The following PTPRD variants were observed in gnomAD, a reference collection of about 807,000 sequenced individuals.
PTPRD encodes the protein protein tyrosine phosphatase receptor type D.
A neutral mutation model predicts 214.5 loss-of-function variants in PTPRD; 34 were observed. That is an observed-to-expected ratio of 0.16 (90% CI 0.12 to 0.21). The LOEUF is 0.21. Ranked by LOEUF, PTPRD falls within the 10% of genes least tolerant of loss-of-function variation. The probability of loss-of-function intolerance (pLI) is 1.00; values close to 1 mark genes in which losing one functional copy is unlikely to be tolerated. For synonymous variants in PTPRD, 1,128 were observed against 845.7 expected (o/e 1.33, Z -5.79); for missense variants, 2,545 against 2,398.7 (o/e 1.06, Z -1.27).
At chr9:9,176,677 G>C (rs1052978696) in intron 10 of PTPRD, among the ~76,000 whole-genome samples, 1 of 152,046 alleles carries the variant, frequency 6.6e-6, no homozygotes, top group African/African-American at 2.4e-5. Flanking sequence ...ATTATCATGG[G>C]CATGGGTTCC....
intron 11 of PTPRD, among the ~76,000 whole-genome samples, chr9:8,842,216 A>C (rs1324743592): frequency 2.0e-5 from 3 of 152,192 alleles, no homozygotes; most frequent in African/African-American, 7.2e-5. Flanking sequence ...TGAAAGAAAA[A>C]GAGAAAGGCA....
chr9:10,533,468 T>A (rs1455121851), intron 2 of PTPRD, among the ~76,000 whole-genome samples: 1 of 152,120 alleles, frequency 6.6e-6, no homozygotes, highest in Non-Finnish European at 1.5e-5. Context: ...GTATATACAC[T>A]CAGCTGTCTC....
intron 10 of PTPRD, among the ~76,000 whole-genome samples, chr9:9,130,667 A>T (rs1157629986): frequency 6.6e-6 from 1 of 152,180 alleles, no homozygotes; most frequent in Non-Finnish European, 1.5e-5. Flanking sequence ...CTACATATGT[A>T]TGTAATATTA....
At chr9:8,583,896 A>C (rs1338908365) in intron 14 of PTPRD, among the ~76,000 whole-genome samples, 3 of 152,212 alleles carry the variant, frequency 2.0e-5, no homozygotes, top group Non-Finnish European at 4.4e-5. Context: ...TCATGCCTGT[A>C]ATCTCAGCAT....
At chr9:9,892,704 G>C (rs1013569078) in intron 5 of PTPRD, among the ~76,000 whole-genome samples, 5 of 151,164 alleles carry the variant, frequency 3.3e-5, no homozygotes, top group Admixed American at 2.0e-4. Flanking sequence ...GTGACCAAGA[G>C]AGAAGGTACA....
chr9:9,597,115 G>C (rs2093411844), intron 7 of PTPRD, among the ~76,000 whole-genome samples: 1 of 151,942 alleles, frequency 6.6e-6, no homozygotes, highest in Non-Finnish European at 1.5e-5. Flanking sequence ...GACAGAATAG[G>C]CCTTAAACAT....
chr9:9,095,123 T>TA (rs1356139756), intron 10 of PTPRD, among the ~76,000 whole-genome samples: 13 of 152,036 alleles, frequency 8.6e-5, no homozygotes, highest in Non-Finnish European at 1.8e-4. Flanking sequence ...TAATTATATA[T>TA]ATTAAAAAAA....
chr9:8,427,543 C>G (rs144014922), intron 35 of PTPRD, among the ~76,000 whole-genome samples: 242 of 152,168 alleles, frequency 1.6e-3, no homozygotes, highest in African/African-American at 5.6e-3. Flanking sequence ...GACCAAAACA[C>G]CTGACCCAGA....
chr9:9,652,883 G>C (rs1454503489), intron 7 of PTPRD, among the ~76,000 whole-genome samples: 1 of 151,624 alleles, frequency 6.6e-6, no homozygotes, highest in East Asian at 1.9e-4. Context: ...GAAAGTGCTG[G>C]GATTATAGGC....
chr9:10,288,422 A>G (rs2095428963), intron 3 of PTPRD, among the ~76,000 whole-genome samples: 1 of 152,196 alleles, frequency 6.6e-6, no homozygotes, highest in Admixed American at 6.5e-5. Flanking sequence ...ACATCAGTTT[A>G]TTAACTTAAT....
At chr9:8,975,051 C>G (rs1246587731) in intron 11 of PTPRD, among the ~76,000 whole-genome samples, 1 of 148,226 alleles carries the variant, frequency 6.7e-6, no homozygotes, top group Non-Finnish European at 1.5e-5. Flanking sequence ...GAGCCAAGTT[C>G]CTGCCATTGC....
At chr9:9,957,059 G>C (rs957899756) in intron 4 of PTPRD, among the ~76,000 whole-genome samples, 1 of 152,098 alleles carries the variant, frequency 6.6e-6, no homozygotes, top group Admixed American at 6.5e-5. Context: ...TATAGCTGAA[G>C]CTCATGGAGA....
chr9:8,430,434 C>G (rs1404694220), intron 35 of PTPRD, among the ~76,000 whole-genome samples: 3 of 107,812 alleles, frequency 2.8e-5, no homozygotes, highest in African/African-American at 1.1e-4. Flanking sequence ...CCACGACAGG[C>G]TAATTTTTTT....
At chr9:10,563,977 C>A (rs2064818787) in intron 2 of PTPRD, among the ~76,000 whole-genome samples, 1 of 151,364 alleles carries the variant, frequency 6.6e-6, no homozygotes, top group Non-Finnish European at 1.5e-5. Flanking sequence ...ATCATCTGTG[C>A]CAGTTGTTTC....
chr9:8,937,486 A>C (rs1048844265), intron 11 of PTPRD, among the ~76,000 whole-genome samples: 1 of 152,154 alleles, frequency 6.6e-6, no homozygotes, highest in Non-Finnish European at 1.5e-5. Context: ...GTCATAAATC[A>C]GTTCCAATGT....
intron 10 of PTPRD, among the ~76,000 whole-genome samples, chr9:9,019,251 T>C (rs1589887985): frequency 7.5e-6 from 1 of 132,874 alleles, no homozygotes; most frequent in East Asian, 2.1e-4. Context: ...ACTATGATAA[T>C]AATGTTATCA....
At chr9:9,701,307 C>G (rs898976707) in intron 7 of PTPRD, among the ~76,000 whole-genome samples, 2 of 152,040 alleles carry the variant, frequency 1.3e-5, no homozygotes, top group African/African-American at 4.8e-5. Context: ...TTAAAAACTT[C>G]AAACTAATTA....
chr9:8,520,254 G>A (rs1464317343), intron 20 of PTPRD, among the ~76,000 whole-genome samples: 5 of 152,052 alleles, frequency 3.3e-5, no homozygotes, highest in African/African-American at 1.2e-4. Flanking sequence ...TTATATTAAG[G>A]TTACACAATA....
chr9:8,389,326 G>C lies in PTPRD; in HGVS notation c.4292C>G (p.Ser1431Cys), dbSNP rs2135653921. 1.9e-6 allele frequency: 3 copies of C among 1,612,822 alleles called. No individual in the cohort carries two copies. The highest frequency in any genetic ancestry group is 2.5e-6 in the Non-Finnish European group (3 of 1,179,232). ...AAAGTCCCCAAATGTTTCGGGGAGA[G>C]ATCCCTGTGTTGCAATATAGGCATT... ...KQNAYIATQG[S>C]LPETFGDFWR... Residue 1431 changes from serine to cysteine, a missense_variant, in exon 37 of 46, where the codon TCT becomes TGT. Coordinates refer to ENST00000381196, the MANE Select transcript of PTPRD (RefSeq NM_002839.4).
Sources: gnomAD v4.1 joint callset for allele counts (sites outside exome capture counted in the v4.1 genomes callset) on GRCh38, gnomAD v4.1.1 for gene constraint, MANE v1.5 for transcripts, NCBI Gene and HGNC (gene_info 2026-07-23, HGNC 2026-07-21) for gene names.